The following IFT20 variants were observed in gnomAD, a reference collection of about 807,000 sequenced individuals.
The protein encoded by IFT20 is intraflagellar transport protein 20 homolog.
In IFT20, 4 loss-of-function variants were observed where a neutral mutation model predicts 16.9. The observed-to-expected ratio is 0.24, with a 90% confidence interval of 0.12 to 0.54. The LOEUF is 0.54. Ranked by LOEUF, IFT20 falls within the 20% of genes least tolerant of loss-of-function variation. The pLI is 0.95. For synonymous variants in IFT20, 48 were observed against 49.9 expected (o/e 0.96, Z 0.16); for missense variants, 154 against 149.7 (o/e 1.03, Z -0.15).
chr17:28,332,318 G>T, intron 1 of IFT20: 2 of 986,346 alleles, frequency 2.0e-6, no homozygotes, highest in Non-Finnish European at 3.0e-6. Flanking sequence ...TGCCAACACT[G>T]CTAGATGCTG....
Position 28,328,632 on chromosome 17 carries a change from A to G in IFT20, c.*20T>C. The G allele has an allele frequency of 6.4e-7, 1 of 1,564,214 alleles. No individual in the cohort carries two copies. The highest frequency in any genetic ancestry group is 1.2e-5 in the South Asian group (1 of 85,922). On this transcript the variant is annotated 3_prime_UTR_variant, in exon 5 of 5. Coordinates refer to ENST00000395418, the MANE Select transcript of IFT20 (RefSeq NM_001267776.2). ...CTTTTTTTTGTTTTGCCTTCCTACT[A>G]TAAAAGCGAAATTTTCAGTTCATTT...
Position 28,334,075 on chromosome 17 carries a change from C to T in IFT20, c.-3+1265G>A, listed in dbSNP as rs1023151822. Among the ~76,000 whole-genome samples the T allele has an allele frequency of 2.0e-5, 3 of 152,214 alleles. 1 individual carries two copies. The highest frequency in any genetic ancestry group is 4.4e-5 in the Non-Finnish European group (3 of 68,034). On this transcript the variant is annotated intron_variant, in intron 1 of 4. Transcript: ENST00000395418. ...CTGAGAGCATGCATTTATTCAGAAA[C>T]ATCCACTCAGTCCCTGCTCTGGGGA...
chr17:28,330,320 TTAAA>T (rs1349261709), intron 3 of IFT20, 119 bp downstream of exon 3: 2 of 712,374 alleles, frequency 2.8e-6, no homozygotes, highest in African/African-American at 1.8e-5. Context: ...TATTAAAATC[TTAAA>T]TAAAAATTCA....
rs1209786574 is a variant in IFT20 at position 28,329,234 on chromosome 17, T to G, written c.256A>C (p.Arg86=). The change falls in exon 4 of 5, where the codon AGA becomes CGA. Residue 86 remains arginine (R), a synonymous_variant. Coordinates refer to ENST00000395418, the MANE Select transcript of IFT20 (RefSeq NM_001267776.2). ...TGAAGTTGCTGCTGTTGAGCTTCTC[T>G]CTGCTTTGCTATAGATTTGAGCAAG... ...RNLLKSIAKQ[R]EAQQQQLQAL... 2.5e-6 allele frequency: 4 copies of G among 1,614,088 alleles called. No homozygotes were observed. Among genetic ancestry groups the G allele is most frequent in the Non-Finnish European group, 3.4e-6 (4 of 1,180,044 alleles).
chr17:28,329,943 C>T, intron 3 of IFT20: 2 of 377,240 alleles, frequency 5.3e-6, no homozygotes, highest in Non-Finnish European at 9.5e-6. Flanking sequence ...GCCTGTAATC[C>T]CAGCTACTCG....
chr17:28,332,872 A>T (rs1236949353), intron 1 of IFT20: 1 of 152,364 alleles, frequency 6.6e-6, no homozygotes, highest in Non-Finnish European at 1.5e-5. Context: ...GAGAGGAAAA[A>T]GAATGGAGCT....
intron 3 of IFT20, 119 bp downstream of exon 3, chr17:28,330,321 TAAA>T: frequency 1.4e-6 from 1 of 713,094 alleles, no homozygotes; most frequent in Non-Finnish European, 2.5e-6. Context: ...ATTAAAATCT[TAAA>T]TAAAAATTCA....
intron 2 of IFT20, 165 bp downstream of exon 2, chr17:28,331,694 A>C: frequency 1.3e-6 from 1 of 775,508 alleles, no homozygotes; most frequent in Non-Finnish European, 2.1e-6. Context: ...GACACATGAG[A>C]GCACAAGAGG....
At chr17:28,329,365 TGTCA>T in intron 3 of IFT20, 89 bp from the exon 4 acceptor site, 1 of 1,009,998 alleles carries the variant, frequency 9.9e-7, no homozygotes, top group African/African-American at 1.6e-5. Context: ...CTGGGAGCTG[TGTCA>T]GTCTTCAGAG....
At chr17:28,330,571 A>T in intron 2 of IFT20, 43 bp from the exon 3 acceptor site, 1 of 1,303,524 alleles carries the variant, frequency 7.7e-7, no homozygotes, top group Non-Finnish European at 1.1e-6. Flanking sequence ...CCTTAGTATC[A>T]TCACTCCCCT....
intron 1 of IFT20, among the ~76,000 whole-genome samples, chr17:28,333,549 G>A (rs1906930467): frequency 6.6e-6 from 1 of 152,230 alleles, no homozygotes; most frequent in Non-Finnish European, 1.5e-5. Flanking sequence ...TCTGGCCTTT[G>A]GCCTCACTGG....
In IFT20 at chr17:28,328,520, G is replaced by C; in HGVS notation, c.*132C>G. On this transcript the variant is annotated 3_prime_UTR_variant, in exon 5 of 5. Coordinates refer to ENST00000395418, the MANE Select transcript of IFT20 (RefSeq NM_001267776.2). Reference sequence around the variant, plus strand: ...AGACTTGTAGTGCTGTCTTCAGGGGGCTGCATTCCTTACACGCCACCTCTT... The same window carrying C: ...AGACTTGTAGTGCTGTCTTCAGGGGCCTGCATTCCTTACACGCCACCTCTT... The C allele has an allele frequency of 1.5e-6, 1 of 674,810 alleles. No homozygotes were observed. Among genetic ancestry groups the C allele is most frequent in the Non-Finnish European group, 2.7e-6 (1 of 376,704 alleles). 41.8% of individuals were successfully genotyped at this position (674,810 alleles called of 1,614,324 possible).
chr17:28,332,395 A>C (rs1243652130), intron 1 of IFT20: 1 of 548,060 alleles, frequency 1.8e-6, no homozygotes, highest in African/African-American at 1.9e-5. Context: ...GGAAGAAGAC[A>C]GACACGGAAA....
chr17:28,328,650 G>T lies in IFT20; in HGVS notation c.*2C>A. On this transcript the variant is annotated 3_prime_UTR_variant, in exon 5 of 5. Transcript: ENST00000395418. Reference sequence around the variant, plus strand: ...TCCTACTATAAAAGCGAAATTTTCAGTTCATTTCTGAAAAATAAATTGGTC... The same window carrying T: ...TCCTACTATAAAAGCGAAATTTTCATTTCATTTCTGAAAAATAAATTGGTC... 1 of 1,592,206 alleles carries T rather than the reference G, an allele frequency of 6.3e-7. No individual in the cohort carries two copies. The highest frequency in any genetic ancestry group is 8.6e-7 in the Non-Finnish European group (1 of 1,168,220).
Position 28,328,419 on chromosome 17 carries a change from T to G in IFT20, c.*233A>C, listed in dbSNP as rs931280624. ...AGTTTACAAACTGCTTAGTTCCAAC[T>G]AAGCATAAGAGGTGAGAACGTACAC... On this transcript the variant is annotated 3_prime_UTR_variant, in exon 5 of 5. Transcript: ENST00000395418. The G allele has an allele frequency of 5.4e-5, 24 of 447,664 alleles. No homozygotes were observed. Among genetic ancestry groups the G allele is most frequent in the African/African-American group, 3.9e-4 (19 of 48,718 alleles). 27.7% of individuals were successfully genotyped at this position (447,664 alleles called of 1,614,324 possible).
chr17:28,331,888 A>G lies in IFT20; in HGVS notation c.98T>C (p.Leu33Pro). The G allele has an allele frequency of 6.2e-7, 1 of 1,614,156 alleles. No homozygotes were observed. Among genetic ancestry groups the G allele is most frequent in the Non-Finnish European group, 8.5e-7 (1 of 1,180,000 alleles). ...CACAAAGTCTTTGCACTCTTCCTTC[A>G]GCTCTATGGTCTGCTGGGTAACCTC... is the stretch of plus-strand genomic sequence containing the variant. ...DPEVTQQTIE[L>P]KEECKDFVDK... The change falls in exon 2 of 5, where the codon CTG becomes CCG. Residue 33 changes from leucine (L) to proline (P), a missense_variant. By Grantham distance (98) the Leu-to-Pro change is moderately conservative (BLOSUM62 -3). Transcript: ENST00000395418.
At chr17:28,335,109 T>C (rs1907058269) in intron 1 of IFT20, among the ~76,000 whole-genome samples, 1 of 152,166 alleles carries the variant, frequency 6.6e-6, no homozygotes, top group Non-Finnish European at 1.5e-5. Flanking sequence ...AGCCGACTCT[T>C]TACTATGTAA....
At chr17:28,329,037 TTCAAA>T (rs1410511337) in intron 4 of IFT20, 131 bp downstream of exon 4, 5 of 682,460 alleles carry the variant, frequency 7.3e-6, no homozygotes, top group African/African-American at 1.8e-5. Context: ...TTTTAAAATC[TTCAAA>T]TCAGGATGAC....
chr17:28,332,916 C>T (rs1283391429), intron 1 of IFT20, among the ~76,000 whole-genome samples: 2 of 152,138 alleles, frequency 1.3e-5, no homozygotes, highest in African/African-American at 4.8e-5. Flanking sequence ...CAGGAAGACC[C>T]TGCATGCCAA....
Sources: gnomAD v4.1 joint callset for allele counts (sites outside exome capture counted in the v4.1 genomes callset) on GRCh38, gnomAD v4.1.1 for gene constraint, MANE v1.5 for transcripts, NCBI Gene and HGNC (gene_info 2026-07-23, HGNC 2026-07-21) for gene names.